The following TBC1D13 variants were observed in gnomAD, a reference collection of about 807,000 sequenced individuals.
The protein encoded by TBC1D13 is epididymis secretory sperm binding protein.
Under a neutral mutation model 53.6 loss-of-function variants are expected in TBC1D13, and 40 were observed. That is an observed-to-expected ratio of 0.75 (90% CI 0.58 to 0.97). The LOEUF (loss-of-function observed/expected upper bound fraction) is 0.97, where lower values mean the gene tolerates loss of function less well. TBC1D13 is among the 50% of genes least tolerant of loss of function. The pLI, the probability that TBC1D13 is intolerant of heterozygous loss-of-function variation, is 0.00. For missense variants in TBC1D13, 377 were observed against 499.4 expected, an observed-to-expected ratio of 0.75 and a Z score of 2.34; for synonymous variants, 182 against 197.7, an observed-to-expected ratio of 0.92 and a Z score of 0.67.
chr9:128,800,390 T>TTTTG (rs57538043), intron 7 of TBC1D13, among the ~76,000 whole-genome samples: 2 of 149,066 alleles, frequency 1.3e-5, no homozygotes, highest in Admixed American at 6.7e-5. Flanking sequence ...TTTTTTTTTT[T>TTTTG]GAGACAGTCT....
chr9:128,788,901 C>T (rs537876012), intron 2 of TBC1D13, among the ~76,000 whole-genome samples: 4 of 152,192 alleles, frequency 2.6e-5, no homozygotes, highest in Non-Finnish European at 5.9e-5. Flanking sequence ...CTTTAAGGAG[C>T]TGATCCTGCT....
chr9:128,800,952 A>G (rs1164889664), intron 7 of TBC1D13, among the ~76,000 whole-genome samples: 1 of 151,954 alleles, frequency 6.6e-6, no homozygotes, highest in African/African-American at 2.4e-5. Context: ...ACCTGAAGTC[A>G]GGAGTTTGAG....
chr9:128,791,204 G>T (rs1829525895), intron 3 of TBC1D13, among the ~76,000 whole-genome samples, 176 bp from the exon 4 acceptor site: 1 of 152,140 alleles, frequency 6.6e-6, no homozygotes, highest in Admixed American at 6.5e-5. Context: ...GAGGAGGGAG[G>T]CAGTGGGGAG....
rs919000966 is a variant in TBC1D13 at position 128,807,733 on chromosome 9, A to G, written c.1138-81A>G. 3.4e-6 allele frequency: 5 copies of G among 1,454,026 alleles called. No homozygotes were observed. In the Admixed American group the frequency reaches 6.7e-5, roughly 19 times the overall value. The allele number at this position is 1,454,026 out of a possible 1,614,324, so 90.1% of individuals were successfully genotyped here. On this transcript the variant is annotated intron_variant, in intron 11 of 11. Transcript: ENST00000372648. Reference sequence around the variant, plus strand: ...CTGAGGCCCAGGATCCAGCATGGCAACGGGTCCCAGCAGGGAGGGTGTGGG... The same window carrying G: ...CTGAGGCCCAGGATCCAGCATGGCAGCGGGTCCCAGCAGGGAGGGTGTGGG...
At chr9:128,804,742 T>G (rs1290270172) in intron 9 of TBC1D13, among the ~76,000 whole-genome samples, 62 of 144,272 alleles carry the variant, frequency 4.3e-4, no homozygotes, top group African/African-American at 1.5e-3. Flanking sequence ...TTTTTTTTTT[T>G]TTTGAGAAGG....
intron 7 of TBC1D13, among the ~76,000 whole-genome samples, chr9:128,799,269 CT>C (rs1829691299): frequency 6.6e-6 from 1 of 152,198 alleles, no homozygotes; most frequent in African/African-American, 2.4e-5. Context: ...CCTGGTTTAA[CT>C]TTTGGTCCTG....
chr9:128,803,813 G>A, intron 8 of TBC1D13, 143 bp from the exon 9 acceptor site: 2 of 1,018,494 alleles, frequency 2.0e-6, no homozygotes, highest in Non-Finnish European at 2.8e-6. Context: ...GGGTGGAGAG[G>A]GGTCAAGGAC....
At chr9:128,791,769 C>T in intron 5 of TBC1D13, 76 bp downstream of exon 5, 1 of 1,322,256 alleles carries the variant, frequency 7.6e-7, no homozygotes, top group African/African-American at 1.4e-5. Context: ...GCAAGGGCCC[C>T]TGCATGCCAG....
intron 9 of TBC1D13, among the ~76,000 whole-genome samples, chr9:128,804,842 C>T (rs1829803330): frequency 6.7e-6 from 1 of 149,910 alleles, no homozygotes; most frequent in Non-Finnish European, 1.5e-5. Flanking sequence ...AATTCTCATG[C>T]CTCAGCCTCC....
chr9:128,791,217 AG>A (rs979460199), intron 3 of TBC1D13, among the ~76,000 whole-genome samples, 162 bp from the exon 4 acceptor site: 7 of 152,038 alleles, frequency 4.6e-5, no homozygotes, highest in Non-Finnish European at 8.8e-5. Context: ...GTGGGGAGGA[AG>A]GGGGAGGCTA....
chr9:128,795,387 T>C (rs1829609910), intron 6 of TBC1D13, among the ~76,000 whole-genome samples: 1 of 149,772 alleles, frequency 6.7e-6, no homozygotes, highest in African/African-American at 2.4e-5. Context: ...TAATTTTTTG[T>C]ATTTTTAGTA....
chr9:128,790,981 C>A (rs1295891922), intron 3 of TBC1D13, among the ~76,000 whole-genome samples: 1 of 152,180 alleles, frequency 6.6e-6, no homozygotes, highest in Non-Finnish European at 1.5e-5. Context: ...GTAATGCCAA[C>A]AATGAAGACC....
At chr9:128,791,831 T>G (rs1829538666) in intron 5 of TBC1D13, 138 bp downstream of exon 5, 1 of 698,706 alleles carries the variant, frequency 1.4e-6, no homozygotes, top group African/African-American at 1.8e-5. Flanking sequence ...AGTTCCTCCT[T>G]TCTGCGTTGG....
chr9:128,806,352 C>G, intron 11 of TBC1D13, 41 bp downstream of exon 11: 1 of 1,612,304 alleles, frequency 6.2e-7, no homozygotes, highest in Non-Finnish European at 8.5e-7. Context: ...TGCCATGAGG[C>G]TGGCACTCGC....
rs1477183585 is a variant in TBC1D13 at position 128,805,927 on chromosome 9, C to T, written c.987C>T (p.Phe329=). 6.2e-7 allele frequency: 1 copy of T among 1,614,234 alleles called. No homozygotes were observed. Among genetic ancestry groups the T allele is most frequent in the Non-Finnish European group, 8.5e-7 (1 of 1,180,052 alleles). Reference sequence around the variant, plus strand: ...TGACACTGCTGCTGTCCCAGGAGTTCTTGCTGCCTGACGTCATCCGCATCT... The same window carrying T: ...TGACACTGCTGCTGTCCCAGGAGTTTTTGCTGCCTGACGTCATCCGCATCT... The part of the protein sequence containing the change: ...RWLTLLLSQE[F]LLPDVIRIWD... The change falls in exon 10 of 12, where the codon TTC becomes TTT. Residue 329 remains phenylalanine (F), a synonymous_variant. Coordinates refer to ENST00000372648, the MANE Select transcript of TBC1D13 (RefSeq NM_018201.5).
intron 7 of TBC1D13, among the ~76,000 whole-genome samples, chr9:128,802,395 G>A (rs1829752847): frequency 1.3e-5 from 2 of 152,140 alleles, no homozygotes; most frequent in Admixed American, 6.5e-5. Flanking sequence ...TAACTTACGT[G>A]CAATTACGTG....
At chr9:128,801,715 G>T (rs1313959339) in intron 7 of TBC1D13, among the ~76,000 whole-genome samples, 1 of 151,530 alleles carries the variant, frequency 6.6e-6, no homozygotes, top group African/African-American at 2.4e-5. Flanking sequence ...TCTTGGGCTT[G>T]GCCAGTTGTT....
At chr9:128,801,946 A>G (rs1305942342) in intron 7 of TBC1D13, among the ~76,000 whole-genome samples, 2 of 144,306 alleles carry the variant, frequency 1.4e-5, no homozygotes, top group Middle Eastern at 3.8e-3. Context: ...TATTTTTGGT[A>G]GAGACAGGGT....
rs765711912 is a variant in TBC1D13 at position 128,804,109 on chromosome 9, AC to A, written c.910del (p.Leu304Ter). 6.2e-7 allele frequency: 1 copy of A among 1,613,902 alleles called. No homozygotes were observed. Among genetic ancestry groups the A allele is most frequent in the Admixed American group, 1.7e-5 (1 of 60,020 alleles). ...STLKDKDVEL[Y>X]LKLQEQNIKP... The stretch of plus-strand genomic sequence containing the variant: ...TTGAAAGATAAGGATGTGGAGCTCT[AC>A]CTGAAACTGGTGAGGACCCCAGGAA... On this transcript the variant is annotated frameshift_variant, in exon 9 of 12. Transcript: ENST00000372648. LOFTEE classifies it high-confidence loss of function.
Sources: gnomAD v4.1 joint callset for allele counts (sites outside exome capture counted in the v4.1 genomes callset) on GRCh38, gnomAD v4.1.1 for gene constraint, MANE v1.5 for transcripts, NCBI Gene and HGNC (gene_info 2026-07-23, HGNC 2026-07-21) for gene names.